Variants in EFNA2 observed in about 807,000 individuals in gnomAD.
The protein encoded by EFNA2 is ephrin A2.
EFNA2 carries 18 observed loss-of-function variants against 19.7 expected under a neutral mutation model. The ratio of observed to expected loss-of-function variants is 0.91; its 90% confidence interval spans 0.63 to 1.35. EFNA2 has a LOEUF of 1.35. Among genes scored for constraint, EFNA2 ranks in the 40% most tolerant of loss-of-function variants. The pLI is 0.00. For synonymous variants in EFNA2, 187 were observed against 137.8 expected (o/e 1.36, Z -2.50); for missense variants, 303 against 296.0 (o/e 1.02, Z -0.17).
intron 2 of EFNA2, among the ~76,000 whole-genome samples, chr19:1,298,035 G>A (rs1236042682): frequency 1.6e-5 from 2 of 124,488 alleles, no homozygotes; most frequent in Non-Finnish European, 3.1e-5. Flanking sequence ...TCGTACCATT[G>A]CACTCCAGCC....
rs927404200 is a variant in EFNA2 at position 1,296,621 on chromosome 19, C to T, written c.454+763C>T. ...CTCTGGTCGCTCCACTGCACTCCAGCCTGGGTGGCAGAGCGAGACCCTGTC... is the reference window on the plus strand; with the variant it reads ...CTCTGGTCGCTCCACTGCACTCCAGTCTGGGTGGCAGAGCGAGACCCTGTC... On this transcript the variant is annotated intron_variant, in intron 2 of 3. Transcript: ENST00000215368. The surrounding 1 kb of genome is among the most constrained non-coding windows in gnomAD (Gnocchi z 4.4). 2.0e-5 allele frequency among the ~76,000 whole-genome samples: 3 copies of T among 152,148 alleles called. No homozygotes were observed. Among genetic ancestry groups the T allele is most frequent in the African/African-American group, 4.8e-5 (2 of 41,442 alleles).
rs58956126 is a variant in EFNA2 at position 1,287,610 on chromosome 19, C to A, written c.140+1302C>A. 9.4e-3 allele frequency among the ~76,000 whole-genome samples: 1,430 copies of A among 152,198 alleles called. 27 individuals are homozygous for A. Among genetic ancestry groups the A allele is most frequent in the African/African-American group, 0.033 (1,363 of 41,532 alleles). Reference sequence around the variant, plus strand: ...TGGGGAACACGCACAGGCCCACCCCCCACCCTGGTCAACGGCCTCGGGTCG... The same window carrying A: ...TGGGGAACACGCACAGGCCCACCCCACACCCTGGTCAACGGCCTCGGGTCG... On this transcript the variant is annotated intron_variant, in intron 1 of 3. Coordinates refer to ENST00000215368, the MANE Select transcript of EFNA2 (RefSeq NM_001405.4). This position sits in a 1 kb window ranked among gnomAD's most constrained non-coding sequence, Gnocchi z 6.2.
chr19:1,298,192 A>G (rs1312879556), intron 2 of EFNA2, among the ~76,000 whole-genome samples: 2 of 151,502 alleles, frequency 1.3e-5, no homozygotes, highest in African/African-American at 2.4e-5. Flanking sequence ...ATTTGAACCC[A>G]GGTCAATCAT....
chr19:1,289,073 G>T (rs564831792), intron 1 of EFNA2, among the ~76,000 whole-genome samples: 1 of 152,254 alleles, frequency 6.6e-6, no homozygotes, highest in African/African-American at 2.4e-5. Context: ...GAAGGGTGGC[G>T]TGCAGGTGTG....
At chr19:1,299,782 G>T in intron 3 of EFNA2, 42 bp from the exon 4 acceptor site, 1 of 1,562,672 alleles carries the variant, frequency 6.4e-7, no homozygotes, top group Non-Finnish European at 8.6e-7. Flanking sequence ...AGCCCAGTGG[G>T]GTTCGGGCGG....
chr19:1,296,214 A>T lies in EFNA2; in HGVS notation c.454+356A>T, dbSNP rs1038628477. On this transcript the variant is annotated intron_variant, in intron 2 of 3. Coordinates refer to ENST00000215368, the MANE Select transcript of EFNA2 (RefSeq NM_001405.4). The surrounding 1 kb of genome is among the most constrained non-coding windows in gnomAD (Gnocchi z 4.4). ...TGGGGAAACTGAGGCTTGGAGGGGG[A>T]CTGAGGCTGCACTATTGTGATCTCG... Among the ~76,000 whole-genome samples the T allele has an allele frequency of 6.6e-6, 1 of 151,888 alleles. No individual in the cohort carries two copies. Among genetic ancestry groups the T allele is most frequent in the Non-Finnish European group, 1.5e-5 (1 of 67,940 alleles).
chr19:1,290,038 T>A (rs2081484209), intron 1 of EFNA2, among the ~76,000 whole-genome samples: 4 of 150,336 alleles, frequency 2.7e-5, no homozygotes, highest in Middle Eastern at 3.4e-3. Flanking sequence ...GACTCGGGAG[T>A]CTGGGAGACC....
In EFNA2 at chr19:1,295,524, C is replaced by G; in HGVS notation, c.141-21C>G. ...CGTTCCTCGCTCCGGGCGCTGACCT[C>G]TGGCCGCCTTGTCCCCGCAGGTTCC... On this transcript the variant is annotated intron_variant, in intron 1 of 3. Coordinates refer to ENST00000215368, the MANE Select transcript of EFNA2 (RefSeq NM_001405.4). The surrounding 1 kb of genome is among the most constrained non-coding windows in gnomAD (Gnocchi z 5.8). The G allele has an allele frequency of 6.4e-7, 1 of 1,553,054 alleles. No homozygotes were observed. Among genetic ancestry groups the G allele is most frequent in the South Asian group, 1.2e-5 (1 of 84,896 alleles).
rs1439351970 is a variant in EFNA2 at position 1,296,053 on chromosome 19, G to A, written c.454+195G>A. On this transcript the variant is annotated intron_variant, in intron 2 of 3. Transcript: ENST00000215368. The surrounding 1 kb of genome is among the most constrained non-coding windows in gnomAD (Gnocchi z 4.4). ...GCCAGGGGGGAGTGGGCGGGGCCGC[G>A]GAGTGGGGCCAGGGCCGGTGCTGGC... is the stretch of plus-strand genomic sequence containing the variant. Among the ~76,000 whole-genome samples, 1 of 150,794 alleles carries A rather than the reference G, an allele frequency of 6.6e-6. No individual in the cohort carries two copies. Among genetic ancestry groups the A allele is most frequent in the African/African-American group, 2.4e-5 (1 of 41,004 alleles).
chr19:1,286,344 C>T lies in EFNA2; in HGVS notation c.140+36C>T. On this transcript the variant is annotated intron_variant, in intron 1 of 3. Coordinates refer to ENST00000215368, the MANE Select transcript of EFNA2 (RefSeq NM_001405.4). The surrounding 1 kb of genome is among the most constrained non-coding windows in gnomAD (Gnocchi z 5.6). ...CCGCGCGCGGGGGGCGCCCGGGGAC[C>T]CCCCAACGCCCCCCAAGCCGCGCCC... 1.0e-6 allele frequency: 1 copy of T among 974,562 alleles called. No homozygotes were observed. The highest frequency in any genetic ancestry group is 1.1e-4 in the East Asian group (1 of 8,818). 60.4% of individuals were successfully genotyped at this position (974,562 alleles called of 1,614,324 possible).
intron 1 of EFNA2, among the ~76,000 whole-genome samples, chr19:1,291,429 G>T (rs1196514793): frequency 6.6e-6 from 1 of 152,194 alleles, no homozygotes; most frequent in African/African-American, 2.4e-5. Flanking sequence ...TCAGTCAGGG[G>T]GGACATCTCT....
At chr19:1,299,291 G>C (rs967200431) in intron 3 of EFNA2, among the ~76,000 whole-genome samples, 1 of 152,062 alleles carries the variant, frequency 6.6e-6, no homozygotes, top group Non-Finnish European at 1.5e-5. Flanking sequence ...GGGCACGGTG[G>C]CTCACACCTG....
Position 1,300,759 on chromosome 19 carries a change from C to T in EFNA2, c.*814C>T, listed in dbSNP as rs919336319. On this transcript the variant is annotated 3_prime_UTR_variant, in exon 4 of 4. Coordinates refer to ENST00000215368, the MANE Select transcript of EFNA2 (RefSeq NM_001405.4). ...CCAGCGCCCTTCGGAATCACAGTCC[C>T]GCCGTGTCTTAGAAACTGCTTTGGC... 6.6e-6 allele frequency among the ~76,000 whole-genome samples: 1 copy of T among 152,168 alleles called. No individual in the cohort carries two copies. The highest frequency in any genetic ancestry group is 2.4e-5 in the African/African-American group (1 of 41,432).
At chr19:1,285,847 C>G (rs1473110615), upstream of EFNA2, among the ~76,000 whole-genome samples, 1 of 147,202 alleles carries the variant, frequency 6.8e-6, no homozygotes, top group East Asian at 2.0e-4. This position sits in a 1 kb window ranked among gnomAD's most constrained non-coding sequence, Gnocchi z 4.1. Context: ...CCGCGGCCCT[C>G]CCGACGCTCG....
At position 1,296,914 on chromosome 19, in the gene EFNA2, G is replaced by C. The variant is rs1180121909; in HGVS notation, c.454+1056G>C. ...AGGCTGCCAGTCCCTGCTGCTTATC[G>C]GAGGTCCGAAGCTGGCCTTTTTGTC... On this transcript the variant is annotated intron_variant, in intron 2 of 3. Transcript: ENST00000215368. The surrounding 1 kb of genome is among the most constrained non-coding windows in gnomAD (Gnocchi z 4.4). 6.6e-6 allele frequency among the ~76,000 whole-genome samples: 1 copy of C among 152,230 alleles called. No individual in the cohort carries two copies. Among genetic ancestry groups the C allele is most frequent in the Non-Finnish European group, 1.5e-5 (1 of 68,042 alleles).
rs2081509423 is a variant in EFNA2 at position 1,295,449 on chromosome 19, T to A, written c.141-96T>A. The A allele has an allele frequency of 3.3e-5, 43 of 1,290,930 alleles. No homozygotes were observed. Among genetic ancestry groups the A allele is most frequent in the Non-Finnish European group, 4.2e-5 (41 of 981,092 alleles). 80.0% of individuals were successfully genotyped at this position (1,290,930 alleles called of 1,614,324 possible). On this transcript the variant is annotated intron_variant, in intron 1 of 3. Transcript: ENST00000215368. This position sits in a 1 kb window ranked among gnomAD's most constrained non-coding sequence, Gnocchi z 5.8. ...GCCGCGCACCCCGACCCGTCCCTCG[T>A]GCTCCTGTCCCCTGACCCTGGCCCT...
chr19:1,284,985 C>T (rs746494124), upstream of EFNA2, among the ~76,000 whole-genome samples: 7 of 152,210 alleles, frequency 4.6e-5, no homozygotes, highest in Non-Finnish European at 8.8e-5. This position sits in a 1 kb window ranked among gnomAD's most constrained non-coding sequence, Gnocchi z 5.3. Flanking sequence ...CAGTGGCTCA[C>T]GCCTGTAATC....
rs989419031 is a variant in EFNA2 at position 1,300,762 on chromosome 19, C to T, written c.*817C>T. ...GCGCCCTTCGGAATCACAGTCCCGCCGTGTCTTAGAAACTGCTTTGGCCGA... is the reference window on the plus strand; with the variant it reads ...GCGCCCTTCGGAATCACAGTCCCGCTGTGTCTTAGAAACTGCTTTGGCCGA... On this transcript the variant is annotated 3_prime_UTR_variant, in exon 4 of 4. Transcript: ENST00000215368. Among the ~76,000 whole-genome samples, 3 of 152,158 alleles carry T rather than the reference C, an allele frequency of 2.0e-5. No homozygotes were observed. The highest frequency in any genetic ancestry group is 7.2e-5 in the African/African-American group (3 of 41,442).
rs1251398546 is a variant in EFNA2, at chr19:1,296,733, G to A, written c.454+875G>A. On this transcript the variant is annotated intron_variant, in intron 2 of 3. Transcript: ENST00000215368. This position sits in a 1 kb window ranked among gnomAD's most constrained non-coding sequence, Gnocchi z 4.4. Reference sequence around the variant, plus strand: ...GGGGTCTCCAGGTCCTCCCTGCCCCGCACCCACCCCCGCATCTCCCCGGGA... The same window carrying A: ...GGGGTCTCCAGGTCCTCCCTGCCCCACACCCACCCCCGCATCTCCCCGGGA... Among the ~76,000 whole-genome samples, 3 of 151,984 alleles carry A rather than the reference G, an allele frequency of 2.0e-5. No individual in the cohort carries two copies. Among genetic ancestry groups the A allele is most frequent in the African/African-American group, 7.2e-5 (3 of 41,412 alleles).
Sources: allele counts gnomAD v4.1 joint callset (sites outside exome capture counted in the v4.1 genomes callset), GRCh38; gene constraint gnomAD v4.1.1; non-coding constraint Gnocchi (gnomAD v3.1); transcripts MANE v1.5; gene names NCBI Gene and HGNC (gene_info 2026-07-23, HGNC 2026-07-21).